Variants in HYCC2 observed in about 807,000 individuals in gnomAD.
HYCC2 encodes hyccin 2.
chr2:201,042,788 T>A, the HYCC2 span, among the ~76,000 whole-genome samples: 1 of 145,260 alleles, frequency 6.9e-6, no homozygotes, highest in African/African-American at 2.6e-5. Flanking sequence ...GGGGGGCGCC[T>A]CTGCCCAGCC....
chr2:201,011,245 A>G, the HYCC2 span: 3 of 489,076 alleles, frequency 6.1e-6, no homozygotes, highest in Non-Finnish European at 1.1e-5. Flanking sequence ...CTCTCGTCAC[A>G]GCTCAGTCTT....
At chr2:201,043,512 CTTTTTTTT>C in the HYCC2 span, among the ~76,000 whole-genome samples, 10 of 133,600 alleles carry the variant, frequency 7.5e-5, no homozygotes, top group Admixed American at 7.4e-4. Context: ...TTCTTTTTTT[CTTTTTTTT>C]TTTTTTGAGA....
chr2:201,034,384 C>T, the HYCC2 span, among the ~76,000 whole-genome samples: 3 of 152,090 alleles, frequency 2.0e-5, no homozygotes, highest in Non-Finnish European at 4.4e-5. Flanking sequence ...CTCTTCTGAT[C>T]TTTGTTGGTT....
At chr2:200,997,990 T>C in the HYCC2 span, among the ~76,000 whole-genome samples, 1 of 152,176 alleles carries the variant, frequency 6.6e-6, no homozygotes, top group Admixed American at 6.5e-5. Context: ...GAGCCGAGAC[T>C]GTGCCACTGC....
chr2:200,988,353 G>A, the HYCC2 span: 5 of 1,613,600 alleles, frequency 3.1e-6, no homozygotes, highest in Non-Finnish European at 4.2e-6. Context: ...CAACTTTAAG[G>A]ACTTTCTGGC....
the HYCC2 span, among the ~76,000 whole-genome samples, chr2:201,048,147 T>G: frequency 1.3e-5 from 2 of 152,140 alleles, no homozygotes; most frequent in African/African-American, 4.8e-5. Context: ...ATTTTAGCAG[T>G]TGTGTGACAC....
the HYCC2 span, chr2:201,023,848 T>G: frequency 1.3e-6 from 1 of 774,318 alleles, no homozygotes; most frequent in Non-Finnish European, 2.1e-6. Flanking sequence ...TCCTACCATA[T>G]TTTTATGTTT....
chr2:201,031,017 G>C, the HYCC2 span, among the ~76,000 whole-genome samples: 3 of 152,032 alleles, frequency 2.0e-5, no homozygotes, highest in South Asian at 6.2e-4. Flanking sequence ...ATACATATTT[G>C]TGCATTTGTG....
chr2:200,999,214 A>G, the HYCC2 span, among the ~76,000 whole-genome samples: 4 of 152,200 alleles, frequency 2.6e-5, no homozygotes, highest in African/African-American at 7.2e-5. Context: ...AATTTTCCAA[A>G]TGAATGGCCT....
chr2:201,016,683 T>TCTA, the HYCC2 span, among the ~76,000 whole-genome samples: 1 of 151,626 alleles, frequency 6.6e-6, no homozygotes, highest in South Asian at 2.1e-4. Flanking sequence ...CACTGCAACC[T>TCTA]CTAACTCCTC....
At chr2:200,999,653 G>T in the HYCC2 span, among the ~76,000 whole-genome samples, 1 of 150,558 alleles carries the variant, frequency 6.6e-6, no homozygotes, top group Non-Finnish European at 1.5e-5. Flanking sequence ...GCCTCCCAAA[G>T]TGCTGGGATT....
chr2:201,030,664 C>T, the HYCC2 span, among the ~76,000 whole-genome samples: 13 of 151,780 alleles, frequency 8.6e-5, no homozygotes, highest in South Asian at 1.7e-3. Context: ...CTGCAACCTC[C>T]GCCTCCTGGG....
the HYCC2 span, among the ~76,000 whole-genome samples, chr2:201,010,983 A>T: frequency 6.6e-6 from 1 of 151,914 alleles, no homozygotes; most frequent in African/African-American, 2.4e-5. Context: ...CATCTCTACT[A>T]AAAATAAAAA....
At chr2:201,004,008 T>C in the HYCC2 span, among the ~76,000 whole-genome samples, 25 of 152,044 alleles carry the variant, frequency 1.6e-4, no homozygotes, top group African/African-American at 5.5e-4. Context: ...GAGACAGGGT[T>C]TCACCATGTT....
chr2:201,017,013 A>T, the HYCC2 span: 1 of 1,613,286 alleles, frequency 6.2e-7, no homozygotes, highest in Non-Finnish European at 8.5e-7. Context: ...TCCTAACAGA[A>T]GTGCTTCAAT....
the HYCC2 span, among the ~76,000 whole-genome samples, chr2:201,006,806 G>C: frequency 5.7e-4 from 87 of 152,144 alleles, no homozygotes; most frequent in Non-Finnish European, 9.6e-4. Flanking sequence ...TTATAATATT[G>C]GTCATATGTA....
chr2:201,004,307 G>A, the HYCC2 span, among the ~76,000 whole-genome samples: 4,529 of 152,330 alleles, frequency 0.03, 109 homozygotes, highest in Middle Eastern at 0.088. Flanking sequence ...CTCCCTTCTA[G>A]AATCAGGTGA....
chr2:201,031,624 G>T, the HYCC2 span, among the ~76,000 whole-genome samples: 1 of 152,100 alleles, frequency 6.6e-6, no homozygotes, highest in Non-Finnish European at 1.5e-5. Flanking sequence ...GCACTCTAGC[G>T]TGGGCGACAA....
At chr2:201,043,907 A>G in the HYCC2 span, among the ~76,000 whole-genome samples, 2 of 152,054 alleles carry the variant, frequency 1.3e-5, no homozygotes, top group African/African-American at 4.8e-5. Flanking sequence ...ATTTTTTGAG[A>G]TGGGGTCTCG....
Sources: gnomAD v4.1 joint callset for allele counts (sites outside exome capture counted in the v4.1 genomes callset) on GRCh38, gnomAD v4.1.1 for gene constraint, MANE v1.5 for transcripts, NCBI Gene and HGNC (gene_info 2026-07-23, HGNC 2026-07-21) for gene names.